LINGO2: variants seen among roughly 807,000 people sequenced by gnomAD.
LINGO2 encodes the protein leucine rich repeat and Ig domain containing 2, also known as leucine-rich repeat and immunoglobulin-like domain-containing nogo receptor-interacting protein 2.
Under a neutral mutation model 30.6 loss-of-function variants are expected in LINGO2, and 14 were observed. That is an observed-to-expected ratio of 0.46 (90% confidence interval 0.30 to 0.72). The LOEUF (loss-of-function observed/expected upper bound fraction) is 0.72, where lower values mean the gene tolerates loss of function less well. LINGO2 is among the 30% of genes least tolerant of loss of function. The probability of loss-of-function intolerance (pLI) is 0.07; values close to 1 mark genes in which losing one functional copy is unlikely to be tolerated. For synonymous variants in LINGO2, 317 were observed against 288.5 expected (o/e 1.10, Z -1.00); for missense variants, 729 against 751.7 (o/e 0.97, Z 0.35).
intron 1 of LINGO2, among the ~76,000 whole-genome samples, chr9:28,556,837 A>G (rs1251909892): frequency 6.6e-6 from 1 of 152,064 alleles, no homozygotes; most frequent in African/African-American, 2.4e-5. Context: ...CTCAGAAATA[A>G]CACTGCATAT....
chr9:28,684,049 A>AT, the LINGO2 span, among the ~76,000 whole-genome samples: 1 of 151,788 alleles, frequency 6.6e-6, no homozygotes, highest in South Asian at 2.1e-4. Context: ...CAAAAGCAAT[A>AT]TTTTTTGCAA....
chr9:28,589,105 T>G (rs980121835), intron 1 of LINGO2, among the ~76,000 whole-genome samples: 2 of 152,128 alleles, frequency 1.3e-5, no homozygotes, highest in Non-Finnish European at 2.9e-5. Flanking sequence ...CAACAACCCT[T>G]CATGCTAAAA....
At chr9:28,391,205 A>C (rs1821815548) in intron 2 of LINGO2, among the ~76,000 whole-genome samples, 1 of 152,196 alleles carries the variant, frequency 6.6e-6, no homozygotes, top group Non-Finnish European at 1.5e-5. Flanking sequence ...GAAATTTATA[A>C]ATCCAAATAA....
chr9:29,130,229 G>T, the LINGO2 span, among the ~76,000 whole-genome samples: 293 of 152,226 alleles, frequency 1.9e-3, 1 homozygote, highest in African/African-American at 6.7e-3. Flanking sequence ...ACTTTTACTG[G>T]TTAAGCTGAA....
intron 1 of LINGO2, among the ~76,000 whole-genome samples, chr9:28,513,186 A>G (rs1820484743): frequency 6.6e-6 from 1 of 152,148 alleles, no homozygotes; most frequent in Non-Finnish European, 1.5e-5. Flanking sequence ...AGGCAAAAAA[A>G]CAATTGGCAG....
At chr9:28,151,716 A>C (rs7019638) in intron 4 of LINGO2, among the ~76,000 whole-genome samples, 48,181 of 151,760 alleles carry the variant, frequency 0.32, 7,692 homozygotes, top group Middle Eastern at 0.34. Context: ...AACTTTTAAG[A>C]GTTTTTTTAT....
At chr9:28,066,465 G>A (rs917606327) in intron 4 of LINGO2, among the ~76,000 whole-genome samples, 3 of 152,042 alleles carry the variant, frequency 2.0e-5, no homozygotes, top group Non-Finnish European at 4.4e-5. Flanking sequence ...GGCTCTTTGT[G>A]GTCCTGAAGA....
At chr9:28,980,183 T>C in the LINGO2 span, among the ~76,000 whole-genome samples, 1 of 152,002 alleles carries the variant, frequency 6.6e-6, no homozygotes, top group Non-Finnish European at 1.5e-5. Flanking sequence ...ACCACATGAC[T>C]CTACCTTCAA....
chr9:28,355,576 G>A (rs1269256299), intron 3 of LINGO2, among the ~76,000 whole-genome samples: 1 of 152,014 alleles, frequency 6.6e-6, no homozygotes, highest in Admixed American at 6.6e-5. Flanking sequence ...AAGTGAAGGT[G>A]GGTCTGCAAA....
the LINGO2 span, among the ~76,000 whole-genome samples, chr9:29,018,091 T>TTATATATATATATA: frequency 8.6e-5 from 2 of 23,208 alleles, no homozygotes; most frequent in Admixed American, 1.2e-3. Context: ...AATATACATT[T>TTATATATATATATA]TATATATATA....
the LINGO2 span, among the ~76,000 whole-genome samples, chr9:29,053,143 G>C: frequency 6.6e-6 from 1 of 151,862 alleles, no homozygotes; most frequent in African/African-American, 2.4e-5. Flanking sequence ...TTGATAAAAG[G>C]TAAAATAAAG....
intron 1 of LINGO2, among the ~76,000 whole-genome samples, chr9:28,648,172 G>A (rs1827928733): frequency 6.6e-6 from 1 of 151,758 alleles, no homozygotes; most frequent in South Asian, 2.1e-4. Context: ...TCTATGAGAT[G>A]GCAAATAAAC....
chr9:28,653,846 C>T lies in LINGO2; in HGVS notation c.-365+16354G>A, dbSNP rs565169293. ...CATTTGTTAAAGATTTTGAACATCA[C>T]TCTTTGTTAAAGATTACAGGAATCC... On this transcript the variant is annotated intron_variant, in intron 1 of 5. Transcript: ENST00000379992. 4.2e-4 allele frequency among the ~76,000 whole-genome samples: 64 copies of T among 152,058 alleles called. 1 individual carries two copies. Among genetic ancestry groups the T allele is most frequent in the Non-Finnish European group, 7.8e-4 (53 of 68,000 alleles).
chr9:28,925,302 T>A, the LINGO2 span, among the ~76,000 whole-genome samples: 1 of 152,202 alleles, frequency 6.6e-6, no homozygotes, highest in Non-Finnish European at 1.5e-5. Flanking sequence ...CCTGGGGATC[T>A]TGAACCAGAG....
chr9:29,199,324 C>G, the LINGO2 span, among the ~76,000 whole-genome samples: 6 of 152,004 alleles, frequency 3.9e-5, no homozygotes, highest in African/African-American at 1.5e-4. Context: ...ACCATGTGTC[C>G]AAGAGGCACA....
chr9:27,987,694 C>A (rs1038439039), intron 5 of LINGO2, among the ~76,000 whole-genome samples: 2 of 151,850 alleles, frequency 1.3e-5, no homozygotes, highest in Admixed American at 1.3e-4. Flanking sequence ...TAAGTGAATG[C>A]TATTGTGTTT....
the LINGO2 span, among the ~76,000 whole-genome samples, chr9:28,990,517 T>C: frequency 6.6e-6 from 1 of 152,204 alleles, no homozygotes; most frequent in South Asian, 2.1e-4. Context: ...TCTCCCAGCA[T>C]GCAGCTGGAG....
chr9:28,165,051 A>G (rs989725172), intron 4 of LINGO2, among the ~76,000 whole-genome samples: 2 of 152,218 alleles, frequency 1.3e-5, no homozygotes, highest in Non-Finnish European at 2.9e-5. Context: ...GGCAATACCT[A>G]CATTAGACTG....
the LINGO2 span, among the ~76,000 whole-genome samples, chr9:28,697,844 G>A: frequency 6.6e-6 from 1 of 151,952 alleles, no homozygotes; most frequent in Non-Finnish European, 1.5e-5. Flanking sequence ...CCTGGTTTTG[G>A]ACAAAAAATA....
Sources: allele counts gnomAD v4.1 joint callset (sites outside exome capture counted in the v4.1 genomes callset), GRCh38; gene constraint gnomAD v4.1.1; transcripts MANE v1.5; gene names NCBI Gene and HGNC (gene_info 2026-07-23, HGNC 2026-07-21).